Variants in PDZD2 observed in about 807,000 individuals in gnomAD.
PDZD2 encodes the protein PDZ domain containing 2.
A neutral mutation model predicts 220.7 loss-of-function variants in PDZD2; 90 were observed. The ratio of observed to expected loss-of-function variants is 0.41; its 90% CI spans 0.34 to 0.49. The LOEUF (loss-of-function observed/expected upper bound fraction) is 0.49. Among genes scored for constraint, PDZD2 ranks in the 20% least tolerant of loss-of-function variants. The pLI is 0.28. For missense variants in PDZD2, 3,174 were observed against 3,608.5 expected, an observed-to-expected ratio of 0.88 and a Z score of 3.08; for synonymous variants, 1,375 against 1,450.5, an observed-to-expected ratio of 0.95 and a Z score of 1.18.
At chr5:31,822,779 C>T in intron 2 of PDZD2, 1 of 1,017,142 alleles carries the variant, frequency 9.8e-7, no homozygotes, top group Non-Finnish European at 1.5e-6. Flanking sequence ...ATGTATTTTT[C>T]ACCCAAGAAA....
At chr5:31,816,795 A>T (rs1209288421) in intron 2 of PDZD2, among the ~76,000 whole-genome samples, 1 of 152,248 alleles carries the variant, frequency 6.6e-6, no homozygotes, top group African/African-American at 2.4e-5. Flanking sequence ...AATGACTATT[A>T]TGATTGATTA....
At chr5:31,893,409 A>C (rs994141993) in intron 2 of PDZD2, among the ~76,000 whole-genome samples, 1 of 152,308 alleles carries the variant, frequency 6.6e-6, no homozygotes, top group African/African-American at 2.4e-5. Flanking sequence ...CGTCTCTACA[A>C]AAAACAAAAA....
At chr5:31,655,073 C>T (rs1745493777) in intron 1 of PDZD2, among the ~76,000 whole-genome samples, 3 of 152,166 alleles carry the variant, frequency 2.0e-5, no homozygotes, top group Admixed American at 2.0e-4. Context: ...TCAAATGTCA[C>T]CATCAGTGGA....
At chr5:31,652,681 G>A (rs533568821) in intron 1 of PDZD2, among the ~76,000 whole-genome samples, 1 of 152,140 alleles carries the variant, frequency 6.6e-6, no homozygotes, top group East Asian at 1.9e-4. Flanking sequence ...GCTGTCTTCC[G>A]GACCAGAGGG....
At chr5:31,908,495 T>A in intron 2 of PDZD2, 1 of 1,036,664 alleles carries the variant, frequency 9.6e-7, no homozygotes, top group Non-Finnish European at 1.4e-6. Flanking sequence ...GACTCGCTCA[T>A]TGGTGGAAAT....
intron 14 of PDZD2, among the ~76,000 whole-genome samples, chr5:32,068,364 G>T (rs1740415452): frequency 6.6e-6 from 1 of 152,206 alleles, no homozygotes. Flanking sequence ...ATGCAAAGAA[G>T]TTGATCCATG....
intron 2 of PDZD2, among the ~76,000 whole-genome samples, chr5:31,880,745 T>C (rs2099647705): frequency 6.6e-6 from 1 of 151,230 alleles, no homozygotes; most frequent in African/African-American, 2.4e-5. Flanking sequence ...ACATGAGCTC[T>C]TATAACCTCA....
At chr5:31,661,530 T>C (rs1244128720) in intron 1 of PDZD2, 3 of 152,146 alleles carry the variant, frequency 2.0e-5, no homozygotes, top group African/African-American at 7.2e-5. Context: ...AGATAACCTG[T>C]GAGTGGTTAT....
chr5:31,762,879 C>T (rs1001475702), intron 1 of PDZD2, among the ~76,000 whole-genome samples: 7 of 152,074 alleles, frequency 4.6e-5, no homozygotes, highest in Admixed American at 2.0e-4. Flanking sequence ...TGCTGCCTTC[C>T]GCTGTTTCAA....
intron 2 of PDZD2, among the ~76,000 whole-genome samples, chr5:31,921,174 G>T (rs1744219212): frequency 6.6e-6 from 1 of 152,184 alleles, no homozygotes; most frequent in Admixed American, 6.5e-5. Flanking sequence ...CATGGTCAAA[G>T]CCTGGTGCCA....
intron 2 of PDZD2, among the ~76,000 whole-genome samples, chr5:31,895,781 C>T (rs1311066734): frequency 6.6e-6 from 1 of 152,106 alleles, no homozygotes; most frequent in East Asian, 1.9e-4. Flanking sequence ...CTGTCTGCTC[C>T]CACCCCTTCC....
At chr5:32,075,032 G>A (rs767507221) in intron 18 of PDZD2, among the ~76,000 whole-genome samples, 3 of 152,080 alleles carry the variant, frequency 2.0e-5, no homozygotes, top group South Asian at 4.1e-4. Context: ...GGCTGGTCTC[G>A]AACTCCTGGC....
chr5:31,689,191 C>G (rs984500902), intron 1 of PDZD2, among the ~76,000 whole-genome samples: 2 of 151,242 alleles, frequency 1.3e-5, no homozygotes, highest in Admixed American at 6.6e-5. Context: ...GCCTCAGCCT[C>G]CTGAGTAGCT....
intron 2 of PDZD2, chr5:31,822,736 C>T (rs1278043359): frequency 8.3e-7 from 1 of 1,210,550 alleles, no homozygotes; most frequent in Non-Finnish European, 1.2e-6. Flanking sequence ...AGATACTGAA[C>T]AAGGAACACC....
intron 1 of PDZD2, among the ~76,000 whole-genome samples, chr5:31,788,147 G>T (rs1753486301): frequency 6.6e-6 from 1 of 152,074 alleles, no homozygotes; most frequent in Non-Finnish European, 1.5e-5. Context: ...AAGGCGGGTG[G>T]ATCACCTGAG....
intron 1 of PDZD2, among the ~76,000 whole-genome samples, chr5:31,705,674 G>A (rs759462114): frequency 1.3e-5 from 2 of 152,162 alleles, no homozygotes; most frequent in Non-Finnish European, 2.9e-5. Flanking sequence ...AATAGACACA[G>A]GACAATAAAT....
At position 31,970,359 on chromosome 5, in the gene PDZD2, A is replaced by G. The variant is rs188103020; in HGVS notation, c.477-12796A>G. On this transcript the variant is annotated intron_variant, in intron 2 of 24. Transcript: ENST00000438447. ...ATTATAAAGAGCGACAAGAGTGACA[A>G]GATTGTAAAGAGTCAGAAGAGCACA... is the stretch of plus-strand genomic sequence containing the variant. Among the ~76,000 whole-genome samples the G allele has an allele frequency of 1.0e-3, 154 of 152,224 alleles. 1 individual carries two copies. Among genetic ancestry groups the G allele is most frequent in the African/African-American group, 3.7e-3 (153 of 41,546 alleles).
chr5:31,795,424 T>C (rs1753969237), intron 1 of PDZD2, among the ~76,000 whole-genome samples: 2 of 152,248 alleles, frequency 1.3e-5, no homozygotes, highest in Admixed American at 1.3e-4. Context: ...AAAATTAATT[T>C]AAATTATCAC....
At chr5:31,999,675 A>G (rs10461907) in intron 4 of PDZD2, among the ~76,000 whole-genome samples, 145,213 of 152,290 alleles carry the variant, frequency 0.95, 69,462 homozygotes, top group African/African-American at 0.97. Context: ...TCAGGGTCAC[A>G]TCCCTGGGAA....
Sources: gnomAD v4.1 joint callset for allele counts (sites outside exome capture counted in the v4.1 genomes callset) on GRCh38, gnomAD v4.1.1 for gene constraint, MANE v1.5 for transcripts, NCBI Gene and HGNC (gene_info 2026-07-23, HGNC 2026-07-21) for gene names.